The following PSMA5 variants were observed in gnomAD, a reference collection of about 807,000 sequenced individuals.
PSMA5 encodes the protein proteasome subunit alpha type-5.
A neutral mutation model predicts 34.5 loss-of-function variants in PSMA5; 3 were observed. The observed-to-expected ratio is 0.09, with a 90% CI of 0.04 to 0.22. The LOEUF (loss-of-function observed/expected upper bound fraction) is 0.22. PSMA5 is among the 10% of genes least tolerant of loss of function. PSMA5 has a pLI of 1.00. For missense variants in PSMA5, 120 were observed against 286.1 expected, an observed-to-expected ratio of 0.42 and a Z score of 4.19; for synonymous variants, 88 against 95.8, an observed-to-expected ratio of 0.92 and a Z score of 0.47.
At chr1:109,418,609 C>A (rs1190283807) in intron 2 of PSMA5, among the ~76,000 whole-genome samples, 3 of 152,066 alleles carry the variant, frequency 2.0e-5, no homozygotes, top group Non-Finnish European at 4.4e-5. Flanking sequence ...GAGCCTTGCC[C>A]AGCCTAATTT....
At chr1:109,404,334 T>A (rs971835222) in intron 8 of PSMA5, among the ~76,000 whole-genome samples, 4 of 151,956 alleles carry the variant, frequency 2.6e-5, no homozygotes, top group African/African-American at 9.7e-5. Flanking sequence ...AATAAATAAA[T>A]AAAAATGTTA....
At chr1:109,410,039 T>C (rs762841950) in intron 7 of PSMA5, 25 bp from the exon 8 acceptor site, 3 of 1,437,458 alleles carry the variant, frequency 2.1e-6, no homozygotes, top group Non-Finnish European at 2.9e-6. Flanking sequence ...GGCAAGAAGA[T>C]GCCTATTAAT....
chr1:109,421,789 C>T (rs930062418), intron 2 of PSMA5, 71 bp downstream of exon 2: 1 of 1,239,166 alleles, frequency 8.1e-7, no homozygotes, highest in Non-Finnish European at 1.1e-6. Context: ...ACCACATTTA[C>T]TCCAAGTGTT....
intron 2 of PSMA5, among the ~76,000 whole-genome samples, chr1:109,417,989 T>C (rs889412941): frequency 6.6e-6 from 1 of 152,060 alleles, no homozygotes; most frequent in Non-Finnish European, 1.5e-5. Context: ...TTTGGGAGGC[T>C]GAGGCAGGAA....
At chr1:109,409,825 G>T (rs543294301) in intron 8 of PSMA5, 103 bp downstream of exon 8, 5 of 712,348 alleles carry the variant, frequency 7.0e-6, no homozygotes, top group South Asian at 5.4e-5. Flanking sequence ...GGGGTGGGAG[G>T]ACTACTTGAA....
At chr1:109,403,731 G>C (rs1036253262) in intron 8 of PSMA5, among the ~76,000 whole-genome samples, 1 of 152,078 alleles carries the variant, frequency 6.6e-6, no homozygotes, top group Non-Finnish European at 1.5e-5. Context: ...AAAGTTGCTA[G>C]AGAGAATCAG....
intron 4 of PSMA5, 133 bp from the exon 5 acceptor site, chr1:109,412,317 A>G (rs1197791840): frequency 2.9e-6 from 2 of 688,792 alleles, no homozygotes; most frequent in Non-Finnish European, 5.1e-6. Flanking sequence ...ATTAACATTA[A>G]CCCTGAGTAC....
In PSMA5 at chr1:109,418,882, C is replaced by T. The variant is rs947633999; in HGVS notation, c.96+2978G>A. 2.0e-5 allele frequency among the ~76,000 whole-genome samples: 3 copies of T among 152,226 alleles called. No homozygotes were observed. In the South Asian group the frequency reaches 6.2e-4, roughly 31 times the overall value. ...ATTAAAAATTATTTCTGGCCAAACA[C>T]GGTGGCTCATGCCTATAATCCCAGC... On this transcript the variant is annotated intron_variant, in intron 2 of 8. Transcript: ENST00000271308.
rs1653472923 is a variant in PSMA5, at chr1:109,400,552, A to G, written c.*1461T>C. The G allele has an allele frequency of 6.6e-6, 1 of 152,246 alleles. No homozygotes were observed. Among genetic ancestry groups the G allele is most frequent in the Non-Finnish European group, 1.5e-5 (1 of 68,046 alleles). 9.4% of individuals were successfully genotyped at this position (152,246 alleles called of 1,614,324 possible). A position where few individuals can be genotyped will look rare whatever the true frequency, so the allele number is the denominator to read the frequency against. On this transcript the variant is annotated 3_prime_UTR_variant, in exon 9 of 9. Transcript: ENST00000271308. ...AAACAAATCTCCCCATCAACATGCTATACTTAATAAGTGTTAAAATCACTA... is the reference window on the plus strand; with the variant it reads ...AAACAAATCTCCCCATCAACATGCTGTACTTAATAAGTGTTAAAATCACTA...
chr1:109,401,621 A>T lies in PSMA5; in HGVS notation c.*392T>A. 6.4e-6 allele frequency: 1 copy of T among 155,882 alleles called. No individual in the cohort carries two copies. The highest frequency in any genetic ancestry group is 1.4e-5 in the Non-Finnish European group (1 of 70,730). 9.7% of individuals were successfully genotyped at this position (155,882 alleles called of 1,614,324 possible). A position where few individuals can be genotyped will look rare whatever the true frequency, so the allele number is the denominator to read the frequency against. On this transcript the variant is annotated 3_prime_UTR_variant, in exon 9 of 9. Transcript: ENST00000271308. ...ACATCTTCATAGAATAGGGATATTA[A>T]TAACACTGTCCTTTTGGCCCACTAA... is the stretch of plus-strand genomic sequence containing the variant.
intron 8 of PSMA5, among the ~76,000 whole-genome samples, chr1:109,406,313 G>A (rs1653759759): frequency 6.6e-6 from 1 of 152,150 alleles, no homozygotes; most frequent in Non-Finnish European, 1.5e-5. Context: ...GAGGAGACTT[G>A]GCAATAAAGG....
intron 4 of PSMA5, 139 bp downstream of exon 4, chr1:109,412,929 T>G: frequency 1.5e-6 from 1 of 678,570 alleles, no homozygotes; most frequent in Non-Finnish European, 2.5e-6. Context: ...AAGTTCTAAC[T>G]GGGAATTCTA....
chr1:109,407,514 TCAATCCCCTAC>T (rs1341363201), intron 8 of PSMA5, among the ~76,000 whole-genome samples: 1 of 152,212 alleles, frequency 6.6e-6, no homozygotes, highest in Non-Finnish European at 1.5e-5. Flanking sequence ...TCTTAACTAG[TCAATCCCCTAC>T]CATGGATTAA....
chr1:109,402,866 C>A (rs950160383), intron 8 of PSMA5, among the ~76,000 whole-genome samples: 2 of 152,040 alleles, frequency 1.3e-5, no homozygotes, highest in African/African-American at 4.8e-5. Flanking sequence ...CCACCACACC[C>A]GGCTAATTTT....
chr1:109,412,911 G>T, intron 4 of PSMA5, 157 bp downstream of exon 4: 1 of 608,188 alleles, frequency 1.6e-6, no homozygotes, highest in Non-Finnish European at 2.9e-6. Context: ...TAAACTCCAA[G>T]CCCCAGGAAG....
rs770487876 is a variant in PSMA5 at position 109,426,347 on chromosome 1, G to A, written c.-17C>T. On this transcript the variant is annotated 5_prime_UTR_variant, in exon 1 of 9. Coordinates refer to ENST00000271308, the MANE Select transcript of PSMA5 (RefSeq NM_002790.4). ...AAGAAACATGGCGAGGGTAGGAGGA[G>A]GCAGCGGCTACGCGGGGATTCTGAG... 1.2e-6 allele frequency: 2 copies of A among 1,614,014 alleles called. No homozygotes were observed. Among genetic ancestry groups the A allele is most frequent in the East Asian group, 2.2e-5 (1 of 44,872 alleles).
Position 109,426,355 on chromosome 1 carries a change from C to T in PSMA5, c.-25G>A. ...TGGCGAGGGTAGGAGGAGGCAGCGG[C>T]TACGCGGGGATTCTGAGGACCAACA... On this transcript the variant is annotated 5_prime_UTR_variant, in exon 1 of 9. Transcript: ENST00000271308. The T allele has an allele frequency of 1.2e-6, 2 of 1,613,846 alleles. No individual in the cohort carries two copies. The highest frequency in any genetic ancestry group is 2.2e-5 in the South Asian group (2 of 91,072).
chr1:109,426,408 C>T lies in PSMA5; in HGVS notation c.-78G>A, dbSNP rs1654668564. ...ACTCCACCGGCACCCAACTCACCGG[C>T]AGCCAACTCACCCACACGGCCGCAG... On this transcript the variant is annotated 5_prime_UTR_variant, in exon 1 of 9. Coordinates refer to ENST00000271308, the MANE Select transcript of PSMA5 (RefSeq NM_002790.4). 6.4e-7 allele frequency: 1 copy of T among 1,569,698 alleles called. No individual in the cohort carries two copies. The highest frequency in any genetic ancestry group is 1.4e-5 in the African/African-American group (1 of 73,914).
intron 8 of PSMA5, among the ~76,000 whole-genome samples, chr1:109,404,791 T>G (rs1219621296): frequency 1.3e-5 from 2 of 152,250 alleles, no homozygotes. Context: ...ATTAGTTACA[T>G]GTACTTGTGA....
Sources: gnomAD v4.1 joint callset for allele counts (sites outside exome capture counted in the v4.1 genomes callset) on GRCh38, gnomAD v4.1.1 for gene constraint, MANE v1.5 for transcripts, NCBI Gene and HGNC (gene_info 2026-07-23, HGNC 2026-07-21) for gene names.